The following TXNL1 variants were observed in gnomAD, a reference collection of about 807,000 sequenced individuals.
TXNL1 encodes the protein thioredoxin like 1.
TXNL1 carries 14 observed loss-of-function variants against 35.5 expected under a neutral mutation model. That is an observed-to-expected ratio of 0.39 (90% CI 0.26 to 0.62). The LOEUF is 0.62. Ranked by LOEUF, TXNL1 falls within the 20% of genes least tolerant of loss-of-function variation. The pLI, the probability that TXNL1 is intolerant of heterozygous loss-of-function variation, is 0.47. For missense variants in TXNL1, 263 were observed against 349.7 expected (o/e 0.75, Z 1.98); for synonymous variants, 110 against 115.5 (o/e 0.95, Z 0.31).
chr18:56,616,505 T>C (rs1015922417), intron 4 of TXNL1, among the ~76,000 whole-genome samples, 191 bp from the exon 5 acceptor site: 1 of 152,110 alleles, frequency 6.6e-6, no homozygotes, highest in African/African-American at 2.4e-5. Flanking sequence ...CTACTACTAT[T>C]AGTTATGTAT....
intron 1 of TXNL1, among the ~76,000 whole-genome samples, chr18:56,630,504 T>C (rs1450793438): frequency 6.6e-6 from 1 of 152,204 alleles, no homozygotes; most frequent in African/African-American, 2.4e-5. Flanking sequence ...GAGAGGGAAT[T>C]TGCCTGTGTG....
intron 3 of TXNL1, among the ~76,000 whole-genome samples, chr18:56,622,922 T>A (rs935383371): frequency 6.6e-6 from 1 of 152,220 alleles, no homozygotes; most frequent in African/African-American, 2.4e-5. Context: ...TAAATAGTAA[T>A]TGTACTTCCT....
In TXNL1 at chr18:56,638,458, C is replaced by T. The variant is rs761386252; in HGVS notation, c.-18G>A. The T allele has an allele frequency of 5.6e-6, 9 of 1,606,404 alleles. No homozygotes were observed. The highest frequency in any genetic ancestry group is 3.3e-4 in the Middle Eastern group (2 of 6,058). Reference sequence around the variant, plus strand: ...CCCACCATCCTCACAGAGAGCCCGGCAGGGTGGCCGCGACGCCACTGGCTT... The same window carrying T: ...CCCACCATCCTCACAGAGAGCCCGGTAGGGTGGCCGCGACGCCACTGGCTT... On this transcript the variant is annotated 5_prime_UTR_variant, in exon 1 of 8. Transcript: ENST00000217515.
intron 1 of TXNL1, among the ~76,000 whole-genome samples, chr18:56,634,147 A>G (rs1276652860): frequency 6.6e-6 from 1 of 152,186 alleles, no homozygotes; most frequent in African/African-American, 2.4e-5. Context: ...ATAAGTAACA[A>G]TTTGGAGACA....
intron 1 of TXNL1, among the ~76,000 whole-genome samples, chr18:56,637,624 CTT>C (rs1300297013): frequency 6.6e-6 from 1 of 152,168 alleles, no homozygotes; most frequent in African/African-American, 2.4e-5. Flanking sequence ...TCCCTGTCCT[CTT>C]AAGTGAAAAA....
At chr18:56,630,520 G>C (rs1044784928) in intron 1 of TXNL1, among the ~76,000 whole-genome samples, 1 of 152,290 alleles carries the variant, frequency 6.6e-6, no homozygotes, top group Non-Finnish European at 1.5e-5. Flanking sequence ...GTGTGGCTGA[G>C]AGCTTTCTGC....
At chr18:56,616,406 A>G (rs1393823625) in intron 4 of TXNL1, 92 bp from the exon 5 acceptor site, 1 of 1,183,766 alleles carries the variant, frequency 8.4e-7, no homozygotes, top group Non-Finnish European at 1.2e-6. Flanking sequence ...AGGCAAGAAA[A>G]AAAAAACCAA....
rs2024241056 is a variant in TXNL1, at chr18:56,624,355, T to A, written c.302A>T (p.Glu101Val). Residue 101 changes from glutamate (E) to valine (V), a missense_variant, in exon 3 of 8, where the codon GAA becomes GTA. Physicochemically the swap from Glu to Val is moderately radical, Grantham distance 121 (BLOSUM62 -2). Coordinates refer to ENST00000217515, the MANE Select transcript of TXNL1 (RefSeq NM_004786.3). ...YQGADAVGLE[E>V]KIKQHLENDP... ...ATTTTCTAAGTGCTGCTTGATTTTTTCTTCTAATCCCACAGCATCTGCTCC... is the reference window on the plus strand; with the variant it reads ...ATTTTCTAAGTGCTGCTTGATTTTTACTTCTAATCCCACAGCATCTGCTCC... 6.2e-7 allele frequency: 1 copy of A among 1,613,872 alleles called. No individual in the cohort carries two copies. The highest frequency in any genetic ancestry group is 1.7e-5 in the Admixed American group (1 of 59,996).
At chr18:56,621,263 T>C (rs919139297) in intron 3 of TXNL1, among the ~76,000 whole-genome samples, 1 of 151,256 alleles carries the variant, frequency 6.6e-6, no homozygotes, top group African/African-American at 2.4e-5. Context: ...GGAGTTGCAG[T>C]GGCGCAATCT....
Position 56,638,485 on chromosome 18 carries a change from G to T in TXNL1, c.-45C>A. On this transcript the variant is annotated 5_prime_UTR_variant, in exon 1 of 8. Transcript: ENST00000217515. ...GGGTGGCCGCGACGCCACTGGCTTT[G>T]AAACTGAAGGAGAAGACGATCTGGG... 1.3e-6 allele frequency: 2 copies of T among 1,574,896 alleles called. No individual in the cohort carries two copies. Among genetic ancestry groups the T allele is most frequent in the Non-Finnish European group, 1.7e-6 (2 of 1,154,076 alleles).
intron 7 of TXNL1, 138 bp from the exon 8 acceptor site, chr18:56,603,194 T>G: frequency 2.9e-6 from 2 of 701,258 alleles, no homozygotes; most frequent in Non-Finnish European, 4.5e-6. Flanking sequence ...GTATTTTCAC[T>G]GTTGAAGCAA....
At chr18:56,612,336 G>GA (rs763969173) in intron 6 of TXNL1, among the ~76,000 whole-genome samples, 2 of 151,284 alleles carry the variant, frequency 1.3e-5, no homozygotes, top group South Asian at 4.2e-4. Context: ...AATATTAAAA[G>GA]AAAAAATAGT....
At chr18:56,625,501 T>A (rs577864112) in intron 2 of TXNL1, among the ~76,000 whole-genome samples, 1 of 152,298 alleles carries the variant, frequency 6.6e-6, no homozygotes, top group African/African-American at 2.4e-5. Flanking sequence ...AAGTGCTCAG[T>A]AACCACACAT....
At chr18:56,630,123 C>T (rs1050335143) in intron 1 of TXNL1, among the ~76,000 whole-genome samples, 2 of 151,158 alleles carry the variant, frequency 1.3e-5, no homozygotes, top group African/African-American at 2.4e-5. Context: ...CACTTGAACC[C>T]GGAAGGTTGT....
intron 7 of TXNL1, among the ~76,000 whole-genome samples, chr18:56,604,222 G>C (rs764149543): frequency 6.6e-6 from 1 of 151,870 alleles, no homozygotes; most frequent in Non-Finnish European, 1.5e-5. Flanking sequence ...ATAAGAGTAA[G>C]AAATTCAGGT....
At chr18:56,621,659 T>A (rs1293206522) in intron 3 of TXNL1, among the ~76,000 whole-genome samples, 1 of 152,086 alleles carries the variant, frequency 6.6e-6, no homozygotes, top group Non-Finnish European at 1.5e-5. Context: ...AACATGCCAA[T>A]CATGGGAAAA....
chr18:56,604,748 A>C (rs1015741315), intron 7 of TXNL1, among the ~76,000 whole-genome samples: 2 of 152,174 alleles, frequency 1.3e-5, no homozygotes, highest in African/African-American at 4.8e-5. Flanking sequence ...ATCAATCATC[A>C]AAAGGACTTT....
chr18:56,612,050 A>G (rs190394069), intron 6 of TXNL1, among the ~76,000 whole-genome samples: 15 of 139,840 alleles, frequency 1.1e-4, no homozygotes, highest in Admixed American at 8.7e-4. Context: ...TAAATTTAGT[A>G]GAGACAGGGT....
chr18:56,615,080 C>T (rs1302018167), intron 5 of TXNL1, among the ~76,000 whole-genome samples: 1 of 152,016 alleles, frequency 6.6e-6, no homozygotes. Flanking sequence ...CAACATTTAG[C>T]CAAAAGAAAA....
Sources: allele counts gnomAD v4.1 joint callset (sites outside exome capture counted in the v4.1 genomes callset), GRCh38; gene constraint gnomAD v4.1.1; transcripts MANE v1.5; gene names NCBI Gene and HGNC (gene_info 2026-07-23, HGNC 2026-07-21).